IRAK2: variants seen among roughly 807,000 people sequenced by gnomAD.
The protein encoded by IRAK2 is interleukin 1 receptor associated kinase 2, also known as interleukin-1 receptor-associated kinase-like 2.
A neutral mutation model predicts 72.0 loss-of-function variants in IRAK2; 57 were observed. That is an observed-to-expected ratio of 0.79 (90% confidence interval 0.64 to 0.99). The LOEUF (loss-of-function observed/expected upper bound fraction) is 0.99. Ranked by LOEUF, IRAK2 falls within the 50% of genes least tolerant of loss-of-function variation. The pLI, the probability that IRAK2 is intolerant of heterozygous loss-of-function variation, is 0.00. For synonymous variants in IRAK2, 293 were observed against 312.7 expected, an observed-to-expected ratio of 0.94 and a Z score of 0.67; for missense variants, 790 against 794.4, an observed-to-expected ratio of 0.99 and a Z score of 0.07.
At chr3:10,174,688 C>T (rs908515356) in intron 1 of IRAK2, among the ~76,000 whole-genome samples, 1 of 151,966 alleles carries the variant, frequency 6.6e-6, no homozygotes, top group African/African-American at 2.4e-5. Flanking sequence ...CCACGCTTGG[C>T]TAATTTTTGT....
chr3:10,171,507 GAAGA>G (rs1466249462), intron 1 of IRAK2, among the ~76,000 whole-genome samples: 97 of 152,256 alleles, frequency 6.4e-4, no homozygotes, highest in African/African-American at 2.2e-3. Context: ...GGAGGACTTT[GAAGA>G]CAGGCAAGGT....
chr3:10,207,422 G>A (rs1697448969), intron 3 of IRAK2, among the ~76,000 whole-genome samples: 1 of 152,168 alleles, frequency 6.6e-6, no homozygotes. Context: ...TTGCCATGGG[G>A]CTTCCTAGGT....
chr3:10,186,708 T>C (rs1575961329), intron 2 of IRAK2, among the ~76,000 whole-genome samples: 1 of 151,506 alleles, frequency 6.6e-6, no homozygotes, highest in East Asian at 1.9e-4. Context: ...GGCAGACTCT[T>C]GAGATCCCCC....
intron 2 of IRAK2, among the ~76,000 whole-genome samples, chr3:10,179,593 C>A (rs1200195872): frequency 6.6e-6 from 1 of 152,096 alleles, no homozygotes; most frequent in Non-Finnish European, 1.5e-5. Flanking sequence ...ACCACCATGC[C>A]CGGCTAATTT....
At chr3:10,190,439 C>A (rs1216196981) in intron 2 of IRAK2, among the ~76,000 whole-genome samples, 1 of 151,652 alleles carries the variant, frequency 6.6e-6, no homozygotes, top group Non-Finnish European at 1.5e-5. Context: ...CACCACCACG[C>A]CCAGCTAGAG....
chr3:10,174,101 A>G (rs1696837453), intron 1 of IRAK2, among the ~76,000 whole-genome samples: 1 of 152,058 alleles, frequency 6.6e-6, no homozygotes, highest in Non-Finnish European at 1.5e-5. Context: ...TGTGTGGATG[A>G]CCAATGCTTC....
intron 1 of IRAK2, among the ~76,000 whole-genome samples, chr3:10,174,753 G>T (rs1018647922): frequency 1.3e-5 from 2 of 152,024 alleles, no homozygotes; most frequent in Admixed American, 1.3e-4. Flanking sequence ...TCGAACTCCT[G>T]AACTTAGGTG....
chr3:10,225,092 T>C (rs1697754130), intron 9 of IRAK2, among the ~76,000 whole-genome samples: 1 of 152,102 alleles, frequency 6.6e-6, no homozygotes. Flanking sequence ...AGTGATGCCC[T>C]CTGCTGCCCT....
intron 6 of IRAK2, among the ~76,000 whole-genome samples, chr3:10,215,893 G>T (rs1391902353): frequency 6.6e-6 from 1 of 152,162 alleles, no homozygotes; most frequent in African/African-American, 2.4e-5. Flanking sequence ...GAAAATGTGG[G>T]TAGTTAAGCC....
chr3:10,178,329 C>T (rs1055927199), intron 2 of IRAK2, among the ~76,000 whole-genome samples: 1 of 151,942 alleles, frequency 6.6e-6, no homozygotes, highest in African/African-American at 2.4e-5. Context: ...TGGTGGCCTG[C>T]GCCTGTAATC....
chr3:10,196,063 C>A (rs1039803624), intron 2 of IRAK2, among the ~76,000 whole-genome samples: 1 of 152,232 alleles, frequency 6.6e-6, no homozygotes, highest in African/African-American at 2.4e-5. Flanking sequence ...GTGCTTGAAT[C>A]AGCACTCACC....
rs148671409 is a variant in IRAK2 at position 10,223,862 on chromosome 3, AGTCTCCT to A, written c.1209+1036_1209+1042del. Among the ~76,000 whole-genome samples the A allele has an allele frequency of 3.0e-3, 463 of 152,294 alleles. 3 individuals are homozygous for A. Among genetic ancestry groups the A allele is most frequent in the Non-Finnish European group, 4.4e-3 (302 of 68,020 alleles). On this transcript the variant is annotated intron_variant, in intron 9 of 12. Coordinates refer to ENST00000256458, the MANE Select transcript of IRAK2 (RefSeq NM_001570.4). Reference sequence around the variant, plus strand: ...CTCTGTACTTCCTCTCTCTGACCACAGTCTCCTGTCTGTCTACCTCTGCTACCAGAAC... The same window carrying A: ...CTCTGTACTTCCTCTCTCTGACCACAGTCTGTCTACCTCTGCTACCAGAAC...
At chr3:10,201,056 C>T (rs1294771450) in intron 3 of IRAK2, among the ~76,000 whole-genome samples, 1 of 152,138 alleles carries the variant, frequency 6.6e-6, no homozygotes. Flanking sequence ...AATCAGGTAA[C>T]AAAATGTATA....
chr3:10,221,217 C>T (rs1285591663), intron 8 of IRAK2, among the ~76,000 whole-genome samples: 1 of 148,018 alleles, frequency 6.8e-6, no homozygotes, highest in African/African-American at 2.5e-5. Context: ...ACGGTGAAAC[C>T]TCGTCTCTAC....
intron 7 of IRAK2, among the ~76,000 whole-genome samples, chr3:10,217,953 GA>G (rs1480365136): frequency 6.6e-6 from 1 of 152,300 alleles, no homozygotes; most frequent in South Asian, 2.1e-4. Flanking sequence ...TTCAAAAGAG[GA>G]ATCTCTGACA....
chr3:10,172,886 G>A (rs1484177904), intron 1 of IRAK2, among the ~76,000 whole-genome samples: 2 of 146,626 alleles, frequency 1.4e-5, no homozygotes, highest in African/African-American at 5.0e-5. Context: ...TCATCATGTC[G>A]GCCAGGCTGG....
chr3:10,241,420 G>A (rs1165024802), intron 12 of IRAK2, among the ~76,000 whole-genome samples: 4 of 150,900 alleles, frequency 2.7e-5, no homozygotes, highest in South Asian at 2.1e-4. Flanking sequence ...TTAGTTGGGC[G>A]TGGTGGTGGG....
chr3:10,231,008 G>A (rs1220905861), intron 10 of IRAK2, among the ~76,000 whole-genome samples: 4 of 150,420 alleles, frequency 2.7e-5, no homozygotes, highest in Non-Finnish European at 5.9e-5. Flanking sequence ...CTGCCTCGGC[G>A]GCCTCCCAAG....
At chr3:10,240,504 AC>A (rs1698036288) in intron 12 of IRAK2, among the ~76,000 whole-genome samples, 1 of 125,732 alleles carries the variant, frequency 8.0e-6, no homozygotes, top group Admixed American at 8.5e-5. Context: ...GTCCAAGGAT[AC>A]CAAGTTTCTT....
Sources: gnomAD v4.1 joint callset for allele counts (sites outside exome capture counted in the v4.1 genomes callset) on GRCh38, gnomAD v4.1.1 for gene constraint, MANE v1.5 for transcripts, NCBI Gene and HGNC (gene_info 2026-07-23, HGNC 2026-07-21) for gene names.